NRDC: variants seen among roughly 807,000 people sequenced by gnomAD.
NRDC encodes nardilysin.
NRDC carries 54 observed loss-of-function variants against 147.1 expected under a neutral mutation model. The observed-to-expected ratio is 0.37, with a 90% CI of 0.29 to 0.46. The LOEUF (loss-of-function observed/expected upper bound fraction) is 0.46. NRDC is among the 20% of genes least tolerant of loss of function. The probability of loss-of-function intolerance (pLI) is 1.00; values close to 1 mark genes in which losing one functional copy is unlikely to be tolerated. For synonymous variants in NRDC, 440 were observed against 482.1 expected (o/e 0.91, Z 1.14); for missense variants, 1,082 against 1,370.6 (o/e 0.79, Z 3.33).
chr1:51,814,243 G>A (rs936450140), intron 13 of NRDC, 154 bp from the exon 14 acceptor site: 9 of 597,408 alleles, frequency 1.5e-5, no homozygotes, highest in Admixed American at 6.2e-5. Context: ...AAACCACCGT[G>A]ACACAAGTTT....
intron 1 of NRDC, among the ~76,000 whole-genome samples, chr1:51,846,148 G>A (rs1681564072): frequency 6.6e-6 from 1 of 151,346 alleles, no homozygotes; most frequent in Non-Finnish European, 1.5e-5. Flanking sequence ...GCCTCACTCT[G>A]ACGCCCAGGT....
At chr1:51,864,783 C>G (rs12065949) in intron 1 of NRDC, among the ~76,000 whole-genome samples, 1 of 151,912 alleles carries the variant, frequency 6.6e-6, no homozygotes, top group Non-Finnish European at 1.5e-5. Context: ...AAAACCCTGT[C>G]TCTGCTAAAA....
chr1:51,871,012 A>C (rs72901956), intron 1 of NRDC, among the ~76,000 whole-genome samples: 3,847 of 152,094 alleles, frequency 0.025, 112 homozygotes, highest in South Asian at 0.095. Context: ...TGTGTACCTC[A>C]TCATTCAAAA....
chr1:51,795,416 G>T, intron 22 of NRDC: 1 of 246,164 alleles, frequency 4.1e-6, no homozygotes, highest in Non-Finnish European at 8.2e-6. Context: ...CGGAAAAACA[G>T]GCAGCCTATT....
At chr1:51,800,825 T>C in intron 20 of NRDC, 142 bp from the exon 21 acceptor site, 1 of 753,388 alleles carries the variant, frequency 1.3e-6, no homozygotes, top group Non-Finnish European at 2.1e-6. Context: ...TACTAACAAC[T>C]CAATTTGTTC....
chr1:51,820,159 A>G (rs2149207731), intron 8 of NRDC, among the ~76,000 whole-genome samples: 1 of 152,326 alleles, frequency 6.6e-6, no homozygotes, highest in East Asian at 1.9e-4. Context: ...TATCAGCCTC[A>G]TTTAATTTCA....
intron 4 of NRDC, among the ~76,000 whole-genome samples, chr1:51,830,665 G>T (rs1398166810): frequency 6.6e-6 from 1 of 152,190 alleles, no homozygotes; most frequent in Non-Finnish European, 1.5e-5. Flanking sequence ...TTATAATGGG[G>T]AGGGTCTCCT....
chr1:51,840,637 AACT>A, intron 1 of NRDC, 123 bp from the exon 2 acceptor site: 1 of 658,296 alleles, frequency 1.5e-6, no homozygotes, highest in South Asian at 2.2e-5. Context: ...ACACACACAC[AACT>A]ATTTGTAAAC....
chr1:51,851,682 A>G (rs779228594), intron 1 of NRDC, among the ~76,000 whole-genome samples: 11 of 152,174 alleles, frequency 7.2e-5, no homozygotes, highest in Admixed American at 7.2e-4. Context: ...GCATCTCTCT[A>G]AACAATTGCT....
chr1:51,790,653 T>A lies in NRDC; in HGVS notation c.3052-4A>T, dbSNP rs1678578351. The A allele has an allele frequency of 6.3e-7, 1 of 1,599,300 alleles. No individual in the cohort carries two copies. Among genetic ancestry groups the A allele is most frequent in the African/African-American group, 1.3e-5 (1 of 74,638 alleles). ...TCAGCTTGATGAGAGCTGTGACCTG[T>A]TCCCACCAAAAAGAAAGATGCTCAG... On this transcript the variant is annotated splice_polypyrimidine_tract_variant and splice_region_variant and intron_variant, in intron 28 of 30. Coordinates refer to ENST00000352171, the MANE Select transcript of NRDC (RefSeq NM_001101662.2).
At chr1:51,841,122 A>C (rs1681245977) in intron 1 of NRDC, among the ~76,000 whole-genome samples, 2 of 152,188 alleles carry the variant, frequency 1.3e-5, no homozygotes, top group Admixed American at 6.5e-5. Context: ...TTTTTGAGAC[A>C]GAGTTTGCTT....
chr1:51,789,312 C>A lies in NRDC; in HGVS notation c.3380G>T (p.Cys1127Phe), dbSNP rs934997766. The change falls in exon 31 of 31, where the codon TGT becomes TTT. Residue 1127 changes from cysteine (C) to phenylalanine (F), a missense_variant. By Grantham distance (205) the Cys-to-Phe change is radical. Transcript: ENST00000352171. ...YLPTSPLLADCIIPITDIRAF... is the reference protein window; with the variant it reads ...YLPTSPLLADFIIPITDIRAF... Reference sequence around the variant, plus strand: ...CCTGATATCAGTAATGGGGATGATACAATCTGCCAGCAGAGGAGAGGTTGG... The same window carrying A: ...CCTGATATCAGTAATGGGGATGATAAAATCTGCCAGCAGAGGAGAGGTTGG... 2 of 1,614,004 alleles carry A rather than the reference C, an allele frequency of 1.2e-6. No homozygotes were observed. The highest frequency in any genetic ancestry group is 2.7e-5 in the African/African-American group (2 of 74,918).
At chr1:51,876,653 G>A (rs1432751951) in intron 1 of NRDC, among the ~76,000 whole-genome samples, 1 of 152,034 alleles carries the variant, frequency 6.6e-6, no homozygotes, top group Non-Finnish European at 1.5e-5. Context: ...AGAAAATTTA[G>A]CTCATTTATA....
chr1:51,805,666 T>C, intron 18 of NRDC, 105 bp from the exon 19 acceptor site: 1 of 660,216 alleles, frequency 1.5e-6, no homozygotes, highest in East Asian at 3.1e-5. Context: ...TGAAGTAAAC[T>C]ACTAATCCTT....
intron 4 of NRDC, among the ~76,000 whole-genome samples, chr1:51,830,242 C>A (rs1359277409): frequency 6.6e-6 from 1 of 152,140 alleles, no homozygotes; most frequent in Non-Finnish European, 1.5e-5. Flanking sequence ...AGATTACAGG[C>A]ATGAGCCACT....
rs887950658 is a variant in NRDC at position 51,878,310 on chromosome 1, C to G, written c.306G>C (p.Glu102Asp). The change falls in exon 1 of 31, where the codon GAG becomes GAC. Residue 102 changes from glutamate (E) to aspartate (D), a missense_variant. Around this residue, in one of 3 missense-constraint regions of NRDC, gnomAD observed 260 missense variants for 253.2 expected, o/e 1.03. Coordinates refer to ENST00000352171, the MANE Select transcript of NRDC (RefSeq NM_001101662.2). The part of the protein sequence containing the change: ...RGSLSNAGDP[E>D]IVKSPSDPKQ... ...TGGGGTCGCTGGGAGACTTGACGAT[C>G]TCAGGGTCCCCAGCATTACTGAGAG... 2 of 1,614,042 alleles carry G rather than the reference C, an allele frequency of 1.2e-6. No individual in the cohort carries two copies. The highest frequency in any genetic ancestry group is 2.7e-5 in the African/African-American group (2 of 75,024).
In NRDC at chr1:51,790,417, A is replaced by G. The variant is rs1346621762; in HGVS notation, c.3168+116T>C. On this transcript the variant is annotated intron_variant, in intron 29 of 30. Transcript: ENST00000352171. ...CAGGAAGTGAGCGAGTAATCAGGCC[A>G]GGACTAGTGTTTCGAGTTTCTCTTC... 1.3e-5 allele frequency: 10 copies of G among 743,178 alleles called. No homozygotes were observed. The Admixed American group carries it at 2.1e-4, about 15-fold the overall frequency. 46.0% of individuals were successfully genotyped at this position (743,178 alleles called of 1,614,324 possible).
chr1:51,848,287 AAC>A, intron 1 of NRDC, among the ~76,000 whole-genome samples: 1 of 152,324 alleles, frequency 6.6e-6, no homozygotes, highest in East Asian at 1.9e-4. Flanking sequence ...CATCCTGGCT[AAC>A]ACAGTGAAAC....
At chr1:51,802,977 T>C (rs1307463612) in intron 20 of NRDC, among the ~76,000 whole-genome samples, 2 of 152,190 alleles carry the variant, frequency 1.3e-5, no homozygotes, top group African/African-American at 4.8e-5. Context: ...CCTCCTCTTA[T>C]GAAGTTTTTG....
Sources: allele counts gnomAD v4.1 joint callset (sites outside exome capture counted in the v4.1 genomes callset), GRCh38; gene constraint gnomAD v4.1.1; regional missense constraint gnomAD v4.1.1; transcripts MANE v1.5; gene names NCBI Gene and HGNC (gene_info 2026-07-23, HGNC 2026-07-21).